Variants in SSH2 observed in about 807,000 individuals in gnomAD.
The protein encoded by SSH2 is slingshot protein phosphatase 2, also known as protein phosphatase Slingshot homolog 2.
Under a neutral mutation model 135.2 loss-of-function variants are expected in SSH2, and 37 were observed. That is an observed-to-expected ratio of 0.27 (90% CI 0.21 to 0.36). SSH2 has a LOEUF of 0.36. Ranked by LOEUF, SSH2 falls within the 10% of genes least tolerant of loss-of-function variation. SSH2 has a pLI of 1.00. For missense variants in SSH2, 1,408 were observed against 1,765.3 expected (o/e 0.80, Z 3.63); for synonymous variants, 628 against 646.2 (o/e 0.97, Z 0.43).
At chr17:29,738,576 C>T (rs571148697) in intron 3 of SSH2, among the ~76,000 whole-genome samples, 22 of 140,990 alleles carry the variant, frequency 1.6e-4, no homozygotes, top group Admixed American at 8.1e-4. Context: ...TTTTTTGAGA[C>T]GGAGTCTCGC....
chr17:29,893,690 T>C (rs2151447999), intron 1 of SSH2, among the ~76,000 whole-genome samples: 1 of 152,274 alleles, frequency 6.6e-6, no homozygotes, highest in East Asian at 1.9e-4. Context: ...CAAGGGTACA[T>C]GATCAAATAC....
chr17:29,813,007 A>G lies in SSH2; in HGVS notation c.145-19070T>C, dbSNP rs1477605436. Among the ~76,000 whole-genome samples the G allele has an allele frequency of 3.9e-5, 6 of 152,242 alleles. No individual in the cohort carries two copies. In the East Asian group the frequency reaches 5.8e-4, roughly 15 times the overall value. The stretch of plus-strand genomic sequence containing the variant: ...AAAAAACAAAATTTAAAGTCCAACG[A>G]AAAGATTTTCACCGTATATAAAAGA... On this transcript the variant is annotated intron_variant, in intron 2 of 15. Transcript: ENST00000540801.
At chr17:29,818,886 G>C (rs1179725354) in intron 2 of SSH2, among the ~76,000 whole-genome samples, 1 of 151,156 alleles carries the variant, frequency 6.6e-6, no homozygotes, top group African/African-American at 2.4e-5. Context: ...CCAGGAGTTC[G>C]AGACCACATC....
chr17:29,831,383 G>T (rs1336188236), intron 2 of SSH2, among the ~76,000 whole-genome samples: 3 of 152,060 alleles, frequency 2.0e-5, no homozygotes, highest in Non-Finnish European at 4.4e-5. Flanking sequence ...TATTAACTTA[G>T]GGCAAATACA....
In SSH2 at chr17:29,731,531, C is replaced by G. The variant is rs571383217; in HGVS notation, c.189-28469G>C. On this transcript the variant is annotated intron_variant, in intron 3 of 15. Coordinates refer to ENST00000540801, the MANE Select transcript of SSH2 (RefSeq NM_001282129.2). ...AGTGCAGTGGCACGATCTCGGCTCA[C>G]TACAACCTCCGCCTCCCAGGTTCAA... Among the ~76,000 whole-genome samples, 3 of 151,948 alleles carry G rather than the reference C, an allele frequency of 2.0e-5. No homozygotes were observed. In the South Asian group the frequency reaches 6.2e-4, roughly 31 times the overall value.
intron 3 of SSH2, among the ~76,000 whole-genome samples, chr17:29,709,052 A>AGAGCGC (rs1491229455): frequency 2.3e-4 from 33 of 144,646 alleles, no homozygotes; most frequent in African/African-American, 7.9e-4. Flanking sequence ...AGAGAGAGAG[A>AGAGCGC]GCTAATAATA....
rs542966608 is a variant in SSH2 at position 29,850,357 on chromosome 17, G to A, written c.64-1428C>T. ...ATGGATCATTGATGCATAAGCTTAC[G>A]TCATTAAAACTTCTCACTACCAGTG... On this transcript the variant is annotated intron_variant, in intron 1 of 15. Transcript: ENST00000540801. Among the ~76,000 whole-genome samples the A allele has an allele frequency of 2.4e-4, 37 of 152,254 alleles. 1 individual carries two copies. The highest frequency in any genetic ancestry group is 2.1e-3 in the Admixed American group (32 of 15,292).
chr17:29,634,423 T>C (rs1018085460), intron 15 of SSH2, among the ~76,000 whole-genome samples: 9 of 152,234 alleles, frequency 5.9e-5, no homozygotes, highest in Non-Finnish European at 8.8e-5. Flanking sequence ...AATATGAGTA[T>C]GAGTCTTAGA....
chr17:29,767,453 A>T (rs903409850), intron 3 of SSH2, among the ~76,000 whole-genome samples: 14 of 151,448 alleles, frequency 9.2e-5, no homozygotes, highest in African/African-American at 3.4e-4. Context: ...ACATTAACAC[A>T]TGCTGAATGC....
intron 2 of SSH2, 94 bp downstream of exon 2, chr17:29,848,755 T>C: frequency 1.3e-6 from 1 of 742,844 alleles, no homozygotes; most frequent in Middle Eastern, 3.6e-4. Context: ...GATAAAATAA[T>C]AGGCACTATA....
chr17:29,706,466 G>A (rs989969283), intron 3 of SSH2, among the ~76,000 whole-genome samples: 1 of 152,114 alleles, frequency 6.6e-6, no homozygotes, highest in Non-Finnish European at 1.5e-5. Context: ...GTGGTCTGTT[G>A]CACAAGCCTT....
intron 1 of SSH2, among the ~76,000 whole-genome samples, chr17:29,902,610 G>GA (rs2066577902): frequency 6.6e-6 from 1 of 150,690 alleles, no homozygotes; most frequent in Non-Finnish European, 1.5e-5. Flanking sequence ...ATATCTTTAG[G>GA]AAAAAAAGGT....
intron 1 of SSH2, among the ~76,000 whole-genome samples, chr17:29,893,359 T>C (rs1159443708): frequency 6.6e-6 from 1 of 152,108 alleles, no homozygotes; most frequent in Non-Finnish European, 1.5e-5. Context: ...ATGCTGAAAC[T>C]TAATCACCAA....
At chr17:29,719,142 C>T (rs1870083266) in intron 3 of SSH2, among the ~76,000 whole-genome samples, 1 of 152,178 alleles carries the variant, frequency 6.6e-6, no homozygotes, top group South Asian at 2.1e-4. Flanking sequence ...AAGATCAGAT[C>T]TAACATCAGA....
intron 14 of SSH2, among the ~76,000 whole-genome samples, chr17:29,646,862 A>G (rs1433322455): frequency 6.6e-6 from 1 of 152,168 alleles, no homozygotes; most frequent in East Asian, 1.9e-4. Context: ...AAGGAGTTAT[A>G]CACATCCGTA....
intron 3 of SSH2, among the ~76,000 whole-genome samples, chr17:29,784,996 A>G (rs540927136): frequency 2.0e-5 from 3 of 152,028 alleles, no homozygotes; most frequent in South Asian, 4.1e-4. Context: ...TTTTGTTTTT[A>G]TTTTGCTTCA....
chr17:29,716,018 G>A (rs1032512577), intron 3 of SSH2, among the ~76,000 whole-genome samples: 6 of 152,134 alleles, frequency 3.9e-5, no homozygotes, highest in Non-Finnish European at 7.4e-5. Flanking sequence ...CCAAGAAAAT[G>A]GAGGCTAGCT....
intron 2 of SSH2, among the ~76,000 whole-genome samples, chr17:29,844,561 G>C (rs1479885476): frequency 1.3e-5 from 2 of 152,288 alleles, no homozygotes; most frequent in African/African-American, 4.8e-5. Context: ...ACCTGCTCTA[G>C]TCACTGCCTA....
chr17:29,865,871 C>A (rs186686799), intron 1 of SSH2, among the ~76,000 whole-genome samples: 62 of 152,152 alleles, frequency 4.1e-4, no homozygotes, highest in Middle Eastern at 3.4e-3. Flanking sequence ...GAGGCTGAGG[C>A]GGGCGGATTA....
Sources: allele counts gnomAD v4.1 joint callset (sites outside exome capture counted in the v4.1 genomes callset), GRCh38; gene constraint gnomAD v4.1.1; transcripts MANE v1.5; gene names NCBI Gene and HGNC (gene_info 2026-07-23, HGNC 2026-07-21).